Variants in ZDHHC4 observed in about 807,000 individuals in gnomAD.
The protein encoded by ZDHHC4 is palmitoyltransferase ZDHHC4.
ZDHHC4 carries 42 observed loss-of-function variants against 36.7 expected under a neutral mutation model. The observed-to-expected ratio is 1.14, with a 90% CI of 0.89 to 1.48. The LOEUF is 1.48. Among genes scored for constraint, ZDHHC4 ranks in the 40% most tolerant of loss-of-function variants. The pLI, the probability that ZDHHC4 is intolerant of heterozygous loss-of-function variation, is 0.00. For synonymous variants in ZDHHC4, 189 were observed against 166.6 expected, an observed-to-expected ratio of 1.13 and a Z score of -1.03; for missense variants, 457 against 421.5, an observed-to-expected ratio of 1.08 and a Z score of -0.74.
Position 6,581,690 on chromosome 7 carries a change from T to C in ZDHHC4, c.191+10T>C. On this transcript the variant is annotated intron_variant, in intron 4 of 7. Coordinates refer to ENST00000335965, the MANE Select transcript of ZDHHC4 (RefSeq NM_001134389.2). ...ACCTTTTCCATACGAGGTATTTCTC[T>C]TTCAGAGTTTAAATATTCTCCTCTT... The C allele has an allele frequency of 6.3e-7, 1 of 1,587,946 alleles. No individual in the cohort carries two copies. Among genetic ancestry groups the C allele is most frequent in the East Asian group, 2.2e-5 (1 of 44,752 alleles).
At position 6,585,018 on chromosome 7, in the gene ZDHHC4, G is replaced by T; in HGVS notation, c.499G>T (p.Val167Leu). ...RKPARSKHCSVCNWCVHRFDH... is the reference protein window; with the variant it reads ...RKPARSKHCSLCNWCVHRFDH... ...CGTGCCCCCTTGTTTCTGTGCAGGT[G>T]TGTGTAACTGGTGTGTGCACCGTTT... The change falls in exon 7 of 8, where the codon GTG becomes TTG. Residue 167 changes from valine to leucine, a missense_variant and splice_region_variant. Val to Leu is a conservative substitution (Grantham distance 32). Transcript: ENST00000335965. 6.2e-7 allele frequency: 1 copy of T among 1,614,120 alleles called. No individual in the cohort carries two copies. The highest frequency in any genetic ancestry group is 8.5e-7 in the Non-Finnish European group (1 of 1,180,016).
chr7:6,585,759 T>C (rs1406553388), intron 7 of ZDHHC4, among the ~76,000 whole-genome samples: 1 of 152,076 alleles, frequency 6.6e-6, no homozygotes, highest in Non-Finnish European at 1.5e-5. Context: ...TGAGCTGAGA[T>C]TGCACCACTG....
At chr7:6,587,383 T>G (rs1018356095) in intron 7 of ZDHHC4, among the ~76,000 whole-genome samples, 2 of 152,230 alleles carry the variant, frequency 1.3e-5, no homozygotes, top group African/African-American at 4.8e-5. Flanking sequence ...CTTTGTAACT[T>G]CAACAAGAAA....
Position 6,579,323 on chromosome 7 carries a change from C to A in ZDHHC4, c.-8+603C>A, listed in dbSNP as rs1002516127. On this transcript the variant is annotated intron_variant, in intron 2 of 7. Coordinates refer to ENST00000335965, the MANE Select transcript of ZDHHC4 (RefSeq NM_001134389.2). ...TCAAGAGATTCTCCTGCCTCCACCC[C>A]CTGAGTCGCTGGGATTACAGGCATG... is the stretch of plus-strand genomic sequence containing the variant. 3.9e-5 allele frequency among the ~76,000 whole-genome samples: 6 copies of A among 152,114 alleles called. No individual in the cohort carries two copies. In the South Asian group the frequency reaches 6.2e-4, roughly 16 times the overall value.
At chr7:6,587,429 T>C (rs1427289472) in intron 7 of ZDHHC4, among the ~76,000 whole-genome samples, 2 of 152,180 alleles carry the variant, frequency 1.3e-5, no homozygotes. Context: ...AATGTTCTCT[T>C]TTCTTGTGAC....
intron 5 of ZDHHC4, among the ~76,000 whole-genome samples, chr7:6,582,520 C>T (rs1007006896): frequency 2.2e-4 from 33 of 152,124 alleles, no homozygotes; most frequent in African/African-American, 7.7e-4. Flanking sequence ...TGGTACTGTT[C>T]CTTTTTTTGT....
At chr7:6,587,029 C>G (rs1781288574) in intron 7 of ZDHHC4, among the ~76,000 whole-genome samples, 1 of 150,950 alleles carries the variant, frequency 6.6e-6, no homozygotes, top group South Asian at 2.1e-4. Flanking sequence ...AGAAGTGGCA[C>G]TGCTGGGTCA....
At chr7:6,587,690 A>G (rs1159316723) in intron 7 of ZDHHC4, among the ~76,000 whole-genome samples, 1 of 152,126 alleles carries the variant, frequency 6.6e-6, no homozygotes, top group Admixed American at 6.6e-5. Context: ...TTGTGTGACC[A>G]TCCCAGAGTT....
Position 6,588,844 on chromosome 7 carries a change from T to C in ZDHHC4, c.969T>C (p.Leu323=). 6.2e-7 allele frequency: 1 copy of C among 1,614,092 alleles called. No individual in the cohort carries two copies. Among genetic ancestry groups the C allele is most frequent in the Non-Finnish European group, 8.5e-7 (1 of 1,179,962 alleles). The change falls in exon 8 of 8, where the codon CTT becomes CTC. Residue 323 remains leucine (L), a synonymous_variant. Coordinates refer to ENST00000335965, the MANE Select transcript of ZDHHC4 (RefSeq NM_001134389.2). The part of the protein sequence containing the change: ...QVHRNIHSHG[L]RSNLQEIFLP... ...ACCGGAACATTCACTCCCATGGGCT[T>C]CGGAGCAACCTTCAAGAGATCTTTC...
At chr7:6,582,332 C>G (rs866561397) in intron 5 of ZDHHC4, 81 bp downstream of exon 5, 19 of 1,256,832 alleles carry the variant, frequency 1.5e-5, no homozygotes, top group South Asian at 9.1e-5. Context: ...AGAGGCCCCC[C>G]CTGAGGACTT....
intron 5 of ZDHHC4, among the ~76,000 whole-genome samples, chr7:6,583,047 C>A (rs1780973189): frequency 6.6e-6 from 1 of 152,078 alleles, no homozygotes; most frequent in Non-Finnish European, 1.5e-5. Flanking sequence ...CGTGCATTAG[C>A]ACGCCTGTAA....
intron 2 of ZDHHC4, among the ~76,000 whole-genome samples, chr7:6,579,333 T>A (rs564513603): frequency 6.6e-6 from 1 of 152,164 alleles, no homozygotes; most frequent in East Asian, 1.9e-4. Context: ...CCTGAGTCGC[T>A]GGGATTACAG....
intron 5 of ZDHHC4, among the ~76,000 whole-genome samples, chr7:6,582,820 G>A (rs1431012006): frequency 1.3e-5 from 2 of 152,044 alleles, no homozygotes; most frequent in African/African-American, 4.8e-5. Context: ...TGGCAGAATT[G>A]TACACTTTAA....
intron 3 of ZDHHC4, chr7:6,581,174 C>T (rs1170802968): frequency 4.3e-5 from 10 of 235,230 alleles, no homozygotes; most frequent in Admixed American, 5.3e-5. Context: ...CATTGGCTGG[C>T]CCCCCTCCTT....
chr7:6,585,255 A>T lies in ZDHHC4; in HGVS notation c.736A>T (p.Ile246Phe). 1 of 1,612,780 alleles carries T rather than the reference A, an allele frequency of 6.2e-7. No individual in the cohort carries two copies. The highest frequency in any genetic ancestry group is 8.5e-7 in the Non-Finnish European group (1 of 1,178,926). Residue 246 changes from isoleucine (I) to phenylalanine (F), a missense_variant, in exon 7 of 8, where the codon ATT becomes TTT. Coordinates refer to ENST00000335965, the MANE Select transcript of ZDHHC4 (RefSeq NM_001134389.2). ...HLHVMDTVFLIQYLFLTFPRI... is the reference protein window; with the variant it reads ...HLHVMDTVFLFQYLFLTFPRI... ...CCATGTTATGGACACGGTCTTTCTT[A>T]TTCAGGTAATTATGCTGTAGGTTTC...
chr7:6,581,330 G>A (rs1213878472), intron 3 of ZDHHC4, among the ~76,000 whole-genome samples: 1 of 152,210 alleles, frequency 6.6e-6, no homozygotes, highest in South Asian at 2.1e-4. Context: ...CCTTCACATT[G>A]ACATTCCCCG....
chr7:6,582,059 C>A lies in ZDHHC4; in HGVS notation c.192-14C>A, dbSNP rs757170078. The A allele has an allele frequency of 1.2e-6, 2 of 1,607,768 alleles. No homozygotes were observed. The highest frequency in any genetic ancestry group is 3.4e-5 in the Admixed American group (2 of 59,420). ...AGAAACCCCCATGAACAAGCCATGC[C>A]TGTTTTCTTTCAGAAACCACACCTT... is the stretch of plus-strand genomic sequence containing the variant. On this transcript the variant is annotated splice_polypyrimidine_tract_variant and intron_variant, in intron 4 of 7. Transcript: ENST00000335965.
chr7:6,588,116 C>T (rs1781369998), intron 7 of ZDHHC4, among the ~76,000 whole-genome samples: 2 of 152,160 alleles, frequency 1.3e-5, no homozygotes, highest in Admixed American at 6.5e-5. Flanking sequence ...CTGCCCGCCT[C>T]GGCCTCCCAA....
In ZDHHC4 at chr7:6,583,424, G is replaced by A. The variant is rs1192761136; in HGVS notation, c.489G>A (p.Lys163=). ...ATTTAAGGAAACCAGCTCGATCCAA[G>A]CACTGCAGTGAGTGTGGCTCTCGTG... ...TCDLRKPARS[K]HCSVCNWCVH... Residue 163 remains lysine, a synonymous_variant, in exon 6 of 8, where the codon AAG becomes AAA. Transcript: ENST00000335965. 6.2e-7 allele frequency: 1 copy of A among 1,611,444 alleles called. No homozygotes were observed. Among genetic ancestry groups the A allele is most frequent in the South Asian group, 1.1e-5 (1 of 90,814 alleles).
Sources: allele counts gnomAD v4.1 joint callset (sites outside exome capture counted in the v4.1 genomes callset), GRCh38; gene constraint gnomAD v4.1.1; transcripts MANE v1.5; gene names NCBI Gene and HGNC (gene_info 2026-07-23, HGNC 2026-07-21).